Variants in DENND4C observed in about 807,000 individuals in gnomAD.
DENND4C encodes DENN domain containing 4C.
Under a neutral mutation model 203.0 loss-of-function variants are expected in DENND4C, and 108 were observed. The observed-to-expected ratio is 0.53, with a 90% confidence interval of 0.46 to 0.62. The LOEUF (loss-of-function observed/expected upper bound fraction) is 0.62, where lower values mean the gene tolerates loss of function less well. Among genes scored for constraint, DENND4C ranks in the 20% least tolerant of loss-of-function variants. DENND4C has a pLI of 0.00. For missense variants in DENND4C, 2,481 were observed against 2,301.2 expected (o/e 1.08, Z -1.60); for synonymous variants, 871 against 792.4 (o/e 1.10, Z -1.67).
At position 19,336,304 on chromosome 9, in the gene DENND4C, G is replaced by T; in HGVS notation, c.2624G>T (p.Arg875Leu). The T allele has an allele frequency of 1.9e-6, 3 of 1,613,886 alleles. No individual in the cohort carries two copies. The highest frequency in any genetic ancestry group is 2.5e-6 in the Non-Finnish European group (3 of 1,179,942). The part of the protein sequence containing the change: ...VLESPWPSST[R>L]SGIFLWTKVR... ...GAGAGCCCGTGGCCTAGCAGTACCC[G>T]CAGTGGTATTTTCTTATGGACGAAG... The change falls in exon 19 of 33, where the codon CGC becomes CTC. Residue 875 changes from arginine to leucine, a missense_variant. By Grantham distance (102) the Arg-to-Leu change is moderately radical. Coordinates refer to ENST00000434457, the MANE Select transcript of DENND4C (RefSeq NM_001330640.2).
intron 13 of DENND4C, among the ~76,000 whole-genome samples, chr9:19,325,240 T>A (rs537566141): frequency 1.3e-5 from 2 of 152,254 alleles, no homozygotes; most frequent in South Asian, 4.1e-4. Context: ...CTAATATGTT[T>A]CTTTTGTTCT....
At chr9:19,275,011 C>T (rs531812826) in intron 1 of DENND4C, among the ~76,000 whole-genome samples, 16 of 152,150 alleles carry the variant, frequency 1.1e-4, no homozygotes, top group Non-Finnish European at 1.9e-4. Flanking sequence ...GAGTCTTGCT[C>T]TGTTGTCCAG....
intron 1 of DENND4C, among the ~76,000 whole-genome samples, chr9:19,247,840 T>G (rs1275428264): frequency 6.6e-6 from 1 of 152,228 alleles, no homozygotes; most frequent in Non-Finnish European, 1.5e-5. Flanking sequence ...TTTACCCACT[T>G]AAGCCACAAG....
At chr9:19,344,948 G>C (rs1048792870) in intron 22 of DENND4C, among the ~76,000 whole-genome samples, 2 of 152,250 alleles carry the variant, frequency 1.3e-5, no homozygotes, top group African/African-American at 4.8e-5. Context: ...TTGTATCCTC[G>C]TACAGCAGAG....
intron 10 of DENND4C, among the ~76,000 whole-genome samples, chr9:19,307,530 G>A: frequency 6.6e-6 from 1 of 151,974 alleles, no homozygotes. Context: ...AGCACTTTGG[G>A]AGGCCGAGGC....
intron 12 of DENND4C, among the ~76,000 whole-genome samples, chr9:19,322,203 A>G (rs1224131961): frequency 6.6e-6 from 1 of 152,174 alleles, no homozygotes; most frequent in Non-Finnish European, 1.5e-5. Context: ...TTGGTGAGGG[A>G]TGAAGGTATA....
Position 19,336,319 on chromosome 9 carries a change from T to A in DENND4C, c.2639T>A (p.Leu880Ter). ...WPSSTRSGIFLWTKVRNVVRG... is the reference protein window; with the variant it reads ...WPSSTRSGIF Reference sequence around the variant, plus strand: ...AGCAGTACCCGCAGTGGTATTTTCTTATGGACGAAGGTACGGAATGTGGTA... The same window carrying A: ...AGCAGTACCCGCAGTGGTATTTTCTAATGGACGAAGGTACGGAATGTGGTA... The change falls in exon 19 of 33, where the codon TTA (leucine) becomes TAA (stop). Residue 880 changes from leucine to a stop codon, truncating the protein, a stop_gained. Coordinates refer to ENST00000434457, the MANE Select transcript of DENND4C (RefSeq NM_001330640.2). LOFTEE classifies it high-confidence loss of function. 6.2e-7 allele frequency: 1 copy of A among 1,614,110 alleles called. No homozygotes were observed. Among genetic ancestry groups the A allele is most frequent in the Non-Finnish European group, 8.5e-7 (1 of 1,179,970 alleles).
chr9:19,288,556 CT>C, intron 3 of DENND4C, 39 bp from the exon 4 acceptor site: 1 of 1,173,170 alleles, frequency 8.5e-7, no homozygotes, highest in South Asian at 4.3e-5. Context: ...TTTCTTTTCA[CT>C]CTTTTGTCTT....
intron 1 of DENND4C, among the ~76,000 whole-genome samples, chr9:19,234,218 CTG>C: frequency 6.6e-6 from 1 of 151,898 alleles, no homozygotes; most frequent in South Asian, 2.1e-4. Context: ...CTTTCTTACT[CTG>C]ATTGTTATTT....
intron 12 of DENND4C, among the ~76,000 whole-genome samples, chr9:19,324,047 C>T (rs900243812): frequency 6.6e-6 from 1 of 152,110 alleles, no homozygotes; most frequent in Non-Finnish European, 1.5e-5. Context: ...ATAACATTCC[C>T]TTCAGACTGT....
rs1829018209 is a variant in DENND4C at position 19,260,234 on chromosome 9, A to G, written c.-17-15924A>G. 4.6e-5 allele frequency among the ~76,000 whole-genome samples: 7 copies of G among 152,326 alleles called. 1 individual carries two copies. In the South Asian group the frequency reaches 1.2e-3, roughly 27 times the overall value. Reference sequence around the variant, plus strand: ...GCATTTCTCTGATGACCAGTGATGTAGAGCACCTTTTCGTATACCTGTTTG... The same window carrying G: ...GCATTTCTCTGATGACCAGTGATGTGGAGCACCTTTTCGTATACCTGTTTG... On this transcript the variant is annotated intron_variant, in intron 1 of 32. Coordinates refer to ENST00000434457, the MANE Select transcript of DENND4C (RefSeq NM_001330640.2).
intron 1 of DENND4C, among the ~76,000 whole-genome samples, chr9:19,273,651 T>C (rs1031394762): frequency 6.6e-6 from 1 of 151,914 alleles, no homozygotes; most frequent in Admixed American, 6.6e-5. Flanking sequence ...AGAAGATATA[T>C]GGATGGAAAA....
At chr9:19,235,620 T>TTTA (rs1821764130) in intron 1 of DENND4C, among the ~76,000 whole-genome samples, 3 of 147,666 alleles carry the variant, frequency 2.0e-5, no homozygotes, top group Non-Finnish European at 4.5e-5. Flanking sequence ...TTTTTTTTTT[T>TTTA]TTTTTTTTGA....
chr9:19,241,407 C>T lies in DENND4C; in HGVS notation c.-18+10574C>T, dbSNP rs1419493601. Among the ~76,000 whole-genome samples, 3 of 151,702 alleles carry T rather than the reference C, an allele frequency of 2.0e-5. No homozygotes were observed. In the East Asian group the frequency reaches 5.8e-4, roughly 29 times the overall value. On this transcript the variant is annotated intron_variant, in intron 1 of 32. Coordinates refer to ENST00000434457, the MANE Select transcript of DENND4C (RefSeq NM_001330640.2). ...TGAATTTTTTTTTTAGAGATAGAGT[C>T]TCGCTATGTTGCTTAGGCTGGCCTC...
intron 1 of DENND4C, among the ~76,000 whole-genome samples, chr9:19,256,680 T>C: frequency 6.6e-6 from 1 of 152,280 alleles, no homozygotes; most frequent in African/African-American, 2.4e-5. Context: ...TTTATGTTAT[T>C]TTTTATTTTA....
rs895071751 is a variant in DENND4C, at chr9:19,359,782, A to G, written c.5161-462A>G. On this transcript the variant is annotated intron_variant, in intron 28 of 32. Transcript: ENST00000434457. ...ATTTTATTTGAATTATAAAAATGCT[A>G]TTTCTTTAATTCCTTCAGTTTTTGT... Among the ~76,000 whole-genome samples the G allele has an allele frequency of 9.9e-5, 15 of 152,170 alleles. 1 individual carries two copies. In the South Asian group the frequency reaches 2.7e-3, roughly 27 times the overall value.
At chr9:19,357,856 T>G in intron 27 of DENND4C, 109 bp from the exon 28 acceptor site, 1 of 868,652 alleles carries the variant, frequency 1.2e-6, no homozygotes, top group Non-Finnish European at 1.7e-6. Flanking sequence ...CTGATTCTTC[T>G]TAGATATATT....
At chr9:19,256,967 G>A (rs1828126650) in intron 1 of DENND4C, among the ~76,000 whole-genome samples, 1 of 151,948 alleles carries the variant, frequency 6.6e-6, no homozygotes, top group Non-Finnish European at 1.5e-5. Context: ...CTACTCAGGA[G>A]GCTGAGGCAG....
chr9:19,280,562 T>C lies in DENND4C; in HGVS notation c.305+4083T>C, dbSNP rs553040073. The stretch of plus-strand genomic sequence containing the variant: ...TTGTTCTGTTTTTTTTTCTCTATGG[T>C]TTCCTTAAGAAGATAGGTAATATAT... On this transcript the variant is annotated intron_variant, in intron 2 of 32. Coordinates refer to ENST00000434457, the MANE Select transcript of DENND4C (RefSeq NM_001330640.2). Among the ~76,000 whole-genome samples, 12 of 152,238 alleles carry C rather than the reference T, an allele frequency of 7.9e-5. No individual in the cohort carries two copies. The South Asian group carries it at 2.5e-3, about 32-fold the overall frequency.
Sources: allele counts gnomAD v4.1 joint callset (sites outside exome capture counted in the v4.1 genomes callset), GRCh38; gene constraint gnomAD v4.1.1; transcripts MANE v1.5; gene names NCBI Gene and HGNC (gene_info 2026-07-23, HGNC 2026-07-21).